Variants in SCLT1 observed in about 807,000 individuals in gnomAD.
SCLT1 encodes the protein sodium channel and clathrin linker 1, also known as sodium channel-associated protein 1.
Under a neutral mutation model 112.8 loss-of-function variants are expected in SCLT1, and 78 were observed. The ratio of observed to expected loss-of-function variants is 0.69; its 90% CI spans 0.58 to 0.83. The LOEUF is 0.83. Among genes scored for constraint, SCLT1 ranks in the 40% least tolerant of loss-of-function variants. The pLI is 0.00. For synonymous variants in SCLT1, 257 were observed against 254.7 expected, an observed-to-expected ratio of 1.01 and a Z score of -0.09; for missense variants, 747 against 770.4, an observed-to-expected ratio of 0.97 and a Z score of 0.36.
At chr4:128,932,210 G>GAAAGGTACTCT (rs1736831409) in intron 18 of SCLT1, among the ~76,000 whole-genome samples, 4 of 152,064 alleles carry the variant, frequency 2.6e-5, no homozygotes, top group Middle Eastern at 3.4e-3. Flanking sequence ...TTCCTTTCTA[G>GAAAGGTACTCT]AGTACCTACA....
chr4:129,089,918 C>T (rs959251853), intron 1 of SCLT1, among the ~76,000 whole-genome samples: 2 of 152,092 alleles, frequency 1.3e-5, no homozygotes, highest in Non-Finnish European at 1.5e-5. Flanking sequence ...ATGCAGGTGA[C>T]GGGTTGATGG....
At chr4:129,083,769 G>A (rs966093187) in intron 1 of SCLT1, among the ~76,000 whole-genome samples, 4 of 152,290 alleles carry the variant, frequency 2.6e-5, no homozygotes, top group Non-Finnish European at 5.9e-5. Flanking sequence ...CTTGCTTAAA[G>A]AGAAATCTGT....
downstream of SCLT1, among the ~76,000 whole-genome samples, chr4:128,879,061 G>C (rs1016250298): frequency 6.6e-6 from 1 of 151,662 alleles, no homozygotes; most frequent in Non-Finnish European, 1.5e-5. Flanking sequence ...ACACCAACAC[G>C]GCACATGTAT....
intron 9 of SCLT1, among the ~76,000 whole-genome samples, chr4:128,990,326 CAAA>C (rs1350787519): frequency 2.7e-5 from 4 of 150,872 alleles, no homozygotes; most frequent in Admixed American, 6.6e-5. Context: ...GATGTATCAA[CAAA>C]AGACAAAAAC....
At chr4:129,059,987 ATTT>A (rs574228629) in intron 2 of SCLT1, among the ~76,000 whole-genome samples, 1 of 151,798 alleles carries the variant, frequency 6.6e-6, no homozygotes, top group Non-Finnish European at 1.5e-5. Context: ...TAATATGAAT[ATTT>A]TTTTGCCTAA....
rs1744039049 is a variant in SCLT1, at chr4:129,006,536, T to TG, written c.291-2661_291-2660insC. 1.5e-4 allele frequency among the ~76,000 whole-genome samples: 3 copies of TG among 20,676 alleles called. No individual in the cohort carries two copies. In the South Asian group the frequency reaches 7.8e-3, roughly 54 times the overall value. The allele number at this position is 20,676 out of a possible 152,430, so 13.6% of individuals were successfully genotyped here. On this transcript the variant is annotated intron_variant, in intron 5 of 20. Transcript: ENST00000281142. ...CTGGGCGACAGAGCAAGACTCTGTC[T>TG]CAAAAAAAAAAAAAAAAAATTTAAA...
intron 5 of SCLT1, among the ~76,000 whole-genome samples, chr4:129,028,699 C>T (rs1318149339): frequency 6.6e-6 from 1 of 152,084 alleles, no homozygotes; most frequent in African/African-American, 2.4e-5. Flanking sequence ...AACTAAAGAG[C>T]TTCTGCACAG....
intron 18 of SCLT1, among the ~76,000 whole-genome samples, chr4:128,924,837 G>A (rs72683645): frequency 0.04 from 6,036 of 152,222 alleles, 162 homozygotes; most frequent in African/African-American, 0.055. Context: ...TCTACCCAGG[G>A]ACTCACTTTT....
intron 1 of SCLT1, among the ~76,000 whole-genome samples, 191 bp from the exon 2 acceptor site, chr4:129,082,564 C>T (rs913103825): frequency 2.0e-5 from 3 of 151,526 alleles, no homozygotes; most frequent in Admixed American, 6.6e-5. Flanking sequence ...ATATCTAAGC[C>T]AACTAATTAC....
chr4:128,911,854 C>T (rs1292511284), intron 18 of SCLT1, among the ~76,000 whole-genome samples: 4 of 152,152 alleles, frequency 2.6e-5, no homozygotes, highest in African/African-American at 4.8e-5. Context: ...TAAAAGAATT[C>T]AATTCTTATG....
chr4:128,912,007 C>T lies in SCLT1; in HGVS notation c.1830-20870G>A, dbSNP rs147170186. On this transcript the variant is annotated intron_variant, in intron 18 of 20. Coordinates refer to ENST00000281142, the MANE Select transcript of SCLT1 (RefSeq NM_144643.4). The stretch of plus-strand genomic sequence containing the variant: ...TGATGCTTAATACATCACAATAATG[C>T]ACACAGAGAAGCAGGATGCTGAGCC... Among the ~76,000 whole-genome samples, 16 of 152,268 alleles carry T rather than the reference C, an allele frequency of 1.1e-4. No homozygotes were observed. The East Asian group carries it at 3.1e-3, about 29-fold the overall frequency.
intron 8 of SCLT1, among the ~76,000 whole-genome samples, chr4:128,996,862 AT>A (rs1345109602): frequency 2.6e-5 from 4 of 152,018 alleles, no homozygotes; most frequent in Non-Finnish European, 5.9e-5. Flanking sequence ...CAAAATCATA[AT>A]AAAATAGGGG....
intron 1 of SCLT1, among the ~76,000 whole-genome samples, chr4:129,091,128 G>T (rs1202307936): frequency 6.6e-6 from 1 of 152,046 alleles, no homozygotes; most frequent in Non-Finnish European, 1.5e-5. Context: ...ATTTAGGTGG[G>T]TCACTTAATG....
chr4:129,074,809 C>T (rs1437203203), intron 2 of SCLT1, among the ~76,000 whole-genome samples: 2 of 152,152 alleles, frequency 1.3e-5, no homozygotes, highest in African/African-American at 4.8e-5. Flanking sequence ...TCAAGAGATC[C>T]TCCCACCTCT....
Position 128,936,646 on chromosome 4 carries a change from T to C in SCLT1, c.1829+9A>G, listed in dbSNP as rs1236177888. 1 of 1,538,854 alleles carries C rather than the reference T, an allele frequency of 6.5e-7. No individual in the cohort carries two copies. Among genetic ancestry groups the C allele is most frequent in the Non-Finnish European group, 8.9e-7 (1 of 1,127,574 alleles). On this transcript the variant is annotated intron_variant, in intron 18 of 20. Coordinates refer to ENST00000281142, the MANE Select transcript of SCLT1 (RefSeq NM_144643.4). ...GTAAAACATGTCAAACAACTAACAG[T>C]AGACTTACTTTAGATTATTGATTCT... is the stretch of plus-strand genomic sequence containing the variant.
At chr4:129,058,974 G>C (rs1271771869) in intron 2 of SCLT1, among the ~76,000 whole-genome samples, 1 of 152,086 alleles carries the variant, frequency 6.6e-6, no homozygotes, top group Non-Finnish European at 1.5e-5. Context: ...TTTCTGAATT[G>C]ATCAGGAAGG....
intron 12 of SCLT1, among the ~76,000 whole-genome samples, chr4:128,959,158 A>T (rs1382290867): frequency 6.6e-6 from 1 of 152,206 alleles, no homozygotes; most frequent in Non-Finnish European, 1.5e-5. Flanking sequence ...AAGAACAGTG[A>T]CATGAAGCCT....
downstream of SCLT1, among the ~76,000 whole-genome samples, chr4:128,882,522 G>C (rs1379819569): frequency 6.6e-6 from 1 of 152,032 alleles, no homozygotes; most frequent in Non-Finnish European, 1.5e-5. Flanking sequence ...AACAAATAAA[G>C]ACATTCCTTA....
intron 9 of SCLT1, among the ~76,000 whole-genome samples, chr4:128,976,843 G>GT (rs1741217413): frequency 1.3e-5 from 2 of 152,274 alleles, no homozygotes; most frequent in African/African-American, 4.8e-5. Flanking sequence ...ATAAAGGTAG[G>GT]TAAGTGTAGG....
Sources: gnomAD v4.1 joint callset for allele counts (sites outside exome capture counted in the v4.1 genomes callset) on GRCh38, gnomAD v4.1.1 for gene constraint, MANE v1.5 for transcripts, NCBI Gene and HGNC (gene_info 2026-07-23, HGNC 2026-07-21) for gene names.